Variants in EPB41L3 observed in about 807,000 individuals in gnomAD.
EPB41L3 encodes band 4.1-like protein 3.
A neutral mutation model predicts 127.1 loss-of-function variants in EPB41L3; 57 were observed. That is an observed-to-expected ratio of 0.45 (90% confidence interval 0.36 to 0.56). The LOEUF (loss-of-function observed/expected upper bound fraction) is 0.56, where lower values mean the gene tolerates loss of function less well. Among genes scored for constraint, EPB41L3 ranks in the 20% least tolerant of loss-of-function variants. EPB41L3 has a pLI of 0.00. For missense variants in EPB41L3, 1,273 were observed against 1,372.2 expected (o/e 0.93, Z 1.14); for synonymous variants, 572 against 549.5 (o/e 1.04, Z -0.57).
chr18:5,608,997 T>TA (rs1479424506), intron 3 of EPB41L3, among the ~76,000 whole-genome samples: 1 of 152,234 alleles, frequency 6.6e-6, no homozygotes, highest in Non-Finnish European at 1.5e-5. Flanking sequence ...TAGAAAATCT[T>TA]ACAAACACCA....
Position 5,543,326 on chromosome 18 carries a change from C to G in EPB41L3, c.-12+587G>C, listed in dbSNP as rs1211555049. ...TGCGGAGCGCACCTTATCGGCCCCG[C>G]GCTGCGCCCGCCCGCGCCTGCACCC... On this transcript the variant is annotated intron_variant, in intron 1 of 22. Coordinates refer to ENST00000341928, the MANE Select transcript of EPB41L3 (RefSeq NM_012307.5). The surrounding 1 kb of genome is among the most constrained non-coding windows in gnomAD (Gnocchi z 5.2). 2 of 149,534 alleles carry G rather than the reference C, an allele frequency of 1.3e-5. No individual in the cohort carries two copies. The highest frequency in any genetic ancestry group is 2.4e-5 in the African/African-American group (1 of 41,134). The allele number at this position is 149,534 out of a possible 1,614,324, so 9.3% of individuals were successfully genotyped here. A position where few individuals can be genotyped will look rare whatever the true frequency, so the allele number is the denominator to read the frequency against.
chr18:5,394,838 G>C, intron 21 of EPB41L3, 45 bp from the exon 22 acceptor site: 1 of 1,565,492 alleles, frequency 6.4e-7, no homozygotes, highest in Non-Finnish European at 8.8e-7. Flanking sequence ...AAAGGAGGTG[G>C]AACATGCATG....
At chr18:5,536,807 G>T (rs768617769) in intron 1 of EPB41L3, among the ~76,000 whole-genome samples, 31 of 152,026 alleles carry the variant, frequency 2.0e-4, no homozygotes, top group Non-Finnish European at 4.1e-4. Flanking sequence ...CTCCAGCCTG[G>T]GCAACAGAGT....
intron 1 of EPB41L3, 126 bp from the exon 2 acceptor site, chr18:5,489,320 T>C: frequency 9.0e-7 from 1 of 1,108,806 alleles, no homozygotes; most frequent in Non-Finnish European, 1.2e-6. Flanking sequence ...CCAAACCCCA[T>C]CCTATTCCAC....
chr18:5,490,277 CT>C (rs1192562231), intron 1 of EPB41L3, among the ~76,000 whole-genome samples: 1 of 152,168 alleles, frequency 6.6e-6, no homozygotes, highest in Admixed American at 6.5e-5. Context: ...TACAATTTCC[CT>C]TCCTAATTAT....
At chr18:5,629,601 C>G (rs935709318), upstream of EPB41L3, among the ~76,000 whole-genome samples, 1 of 152,220 alleles carries the variant, frequency 6.6e-6, no homozygotes, top group African/African-American at 2.4e-5. Flanking sequence ...AAGGCCCCCC[C>G]CTCCCCCGCG....
At chr18:5,599,816 T>C (rs1304012222) in intron 3 of EPB41L3, among the ~76,000 whole-genome samples, 1 of 152,200 alleles carries the variant, frequency 6.6e-6, no homozygotes, top group Non-Finnish European at 1.5e-5. Context: ...CTTTACAAAT[T>C]ACCTAGTCTC....
chr18:5,609,999 T>C, intron 3 of EPB41L3: 2 of 617,186 alleles, frequency 3.2e-6, no homozygotes, highest in Non-Finnish European at 4.1e-6. Context: ...GCAGGAGGAC[T>C]GAGTCTAACT....
At chr18:5,504,408 A>G (rs1340509666) in intron 1 of EPB41L3, among the ~76,000 whole-genome samples, 1 of 152,022 alleles carries the variant, frequency 6.6e-6, no homozygotes, top group Non-Finnish European at 1.5e-5. Flanking sequence ...TAATATCTTC[A>G]CTGTATTCTT....
chr18:5,553,851 G>C (rs567193628), intron 3 of EPB41L3, among the ~76,000 whole-genome samples: 13 of 152,264 alleles, frequency 8.5e-5, no homozygotes, highest in Non-Finnish European at 1.8e-4. Context: ...GCCAGATCAC[G>C]TCACTCTTGT....
chr18:5,395,634 G>A lies in EPB41L3; in HGVS notation c.3047C>T (p.Thr1016Ile). ...TTTGGTGATGTGCGTAGTGGTGGTGGTACTGGTGGTTTCAGATGTGATCGT... is the reference window on the plus strand; with the variant it reads ...TTTGGTGATGTGCGTAGTGGTGGTGATACTGGTGGTTTCAGATGTGATCGT... ...AQTITSETTSTTTTTHITKTV... is the reference protein window; with the variant it reads ...AQTITSETTSITTTTHITKTV... Residue 1016 changes from threonine to isoleucine, a missense_variant, in exon 20 of 23, where the codon ACC becomes ATC. Thr to Ile is a moderately conservative substitution (Grantham distance 89). This residue lies in a region of EPB41L3 where 765 missense variants were observed against 782.9 expected (regional missense o/e 0.98). Coordinates refer to ENST00000341928, the MANE Select transcript of EPB41L3 (RefSeq NM_012307.5). 1 of 1,614,088 alleles carries A rather than the reference G, an allele frequency of 6.2e-7. No individual in the cohort carries two copies. Among genetic ancestry groups the A allele is most frequent in the African/African-American group, 1.3e-5 (1 of 75,036 alleles).
chr18:5,543,570 G>A lies in EPB41L3; in HGVS notation c.-12+343C>T, dbSNP rs2093808434. The A allele has an allele frequency of 6.8e-6, 1 of 147,510 alleles. No homozygotes were observed. The highest frequency in any genetic ancestry group is 2.4e-5 in the African/African-American group (1 of 41,022). The allele number at this position is 147,510 out of a possible 1,614,324, so 9.1% of individuals were successfully genotyped here. On this transcript the variant is annotated intron_variant, in intron 1 of 22. Transcript: ENST00000341928. This position sits in a 1 kb window ranked among gnomAD's most constrained non-coding sequence, Gnocchi z 5.2. The stretch of plus-strand genomic sequence containing the variant: ...TTGGCGGAGAAGGGACGCGGGGACC[G>A]AGTCGCCCCTTCGGCCAGGGATCCC...
At chr18:5,474,467 A>ATG (rs1040470323) in intron 3 of EPB41L3, among the ~76,000 whole-genome samples, 1 of 151,796 alleles carries the variant, frequency 6.6e-6, no homozygotes, top group Non-Finnish European at 1.5e-5. Context: ...GTGTGTGCAC[A>ATG]TGTGTGTGTG....
intron 1 of EPB41L3, among the ~76,000 whole-genome samples, chr18:5,530,502 G>C (rs1173944569): frequency 6.6e-6 from 1 of 152,044 alleles, no homozygotes; most frequent in Non-Finnish European, 1.5e-5. Context: ...GGATGACATG[G>C]TGCACAGGGC....
chr18:5,465,516 T>A (rs1035480030), intron 3 of EPB41L3, among the ~76,000 whole-genome samples: 1 of 152,188 alleles, frequency 6.6e-6, no homozygotes, highest in Non-Finnish European at 1.5e-5. Context: ...ATCTGTATGG[T>A]ATTTTATATT....
At chr18:5,619,595 C>A (rs2094837464) in intron 1 of EPB41L3, among the ~76,000 whole-genome samples, 1 of 152,210 alleles carries the variant, frequency 6.6e-6, no homozygotes, top group South Asian at 2.1e-4. Flanking sequence ...TGCGATATTC[C>A]AGCCAGGTCT....
At chr18:5,408,976 G>T (rs980634274) in intron 14 of EPB41L3, among the ~76,000 whole-genome samples, 1 of 152,200 alleles carries the variant, frequency 6.6e-6, no homozygotes, top group Admixed American at 6.5e-5. Context: ...GGATCACACT[G>T]AGTCAGGTGC....
chr18:5,470,831 G>A (rs1023214432), intron 3 of EPB41L3, among the ~76,000 whole-genome samples: 1 of 152,202 alleles, frequency 6.6e-6, no homozygotes, highest in Non-Finnish European at 1.5e-5. Flanking sequence ...AGACAGTCCT[G>A]TACTGGGGTC....
At chr18:5,402,545 C>G (rs2074675877) in intron 16 of EPB41L3, among the ~76,000 whole-genome samples, 1 of 152,030 alleles carries the variant, frequency 6.6e-6, no homozygotes, top group Non-Finnish European at 1.5e-5. Context: ...TGTCTACATT[C>G]CAAACTGTGT....
Sources: allele counts gnomAD v4.1 joint callset (sites outside exome capture counted in the v4.1 genomes callset), GRCh38; gene constraint gnomAD v4.1.1; regional missense constraint gnomAD v4.1.1; non-coding constraint Gnocchi (gnomAD v3.1); transcripts MANE v1.5; gene names NCBI Gene and HGNC (gene_info 2026-07-23, HGNC 2026-07-21).